Variants in TXK observed in about 807,000 individuals in gnomAD.
TXK encodes the protein TXK tyrosine kinase, also known as tyrosine-protein kinase TXK.
TXK carries 60 observed loss-of-function variants against 81.0 expected under a neutral mutation model. The ratio of observed to expected loss-of-function variants is 0.74; its 90% CI spans 0.60 to 0.92. TXK has a LOEUF of 0.92. Ranked by LOEUF, TXK falls within the 40% of genes least tolerant of loss-of-function variation. The probability of loss-of-function intolerance (pLI) is 0.00; values close to 1 mark genes in which losing one functional copy is unlikely to be tolerated. For synonymous variants in TXK, 203 were observed against 210.7 expected, an observed-to-expected ratio of 0.96 and a Z score of 0.32; for missense variants, 581 against 638.3, an observed-to-expected ratio of 0.91 and a Z score of 0.97.
chr4:48,132,060 C>A (rs1296220625), intron 1 of TXK, among the ~76,000 whole-genome samples: 5 of 139,260 alleles, frequency 3.6e-5, no homozygotes, highest in Middle Eastern at 3.6e-3. Context: ...TTTTTTTTTA[C>A]AAAATCTACA....
Position 48,095,185 on chromosome 4 carries a change from T to C in TXK, c.539A>G (p.His180Arg), listed in dbSNP as rs1234879980. Residue 180 changes from histidine to arginine, a missense_variant, in exon 7 of 15, where the codon CAT (histidine) becomes CGT (arginine). His to Arg is a conservative substitution (Grantham distance 29, BLOSUM62 0). Coordinates refer to ENST00000264316, the MANE Select transcript of TXK (RefSeq NM_003328.3). ...TACGGAAATTGTGTAGGATCCTAAA[T>C]GTCTTGAATCTCTGACAATAAATGC... ...EGAFIVRDSR[H>R]LGSYTISVFM... The C allele has an allele frequency of 1.2e-6, 2 of 1,613,810 alleles. No individual in the cohort carries two copies. The highest frequency in any genetic ancestry group is 1.7e-6 in the Non-Finnish European group (2 of 1,179,894).
At chr4:48,090,202 C>T (rs982075805) in intron 8 of TXK, among the ~76,000 whole-genome samples, 2 of 152,146 alleles carry the variant, frequency 1.3e-5, no homozygotes, top group African/African-American at 4.8e-5. Context: ...GCACTATGCA[C>T]GTAATTGATA....
chr4:48,099,658 T>G (rs1201903121), intron 6 of TXK, among the ~76,000 whole-genome samples: 1 of 152,182 alleles, frequency 6.6e-6, no homozygotes, highest in Non-Finnish European at 1.5e-5. Flanking sequence ...CTAGCCACAC[T>G]AGAGACAGCC....
At chr4:48,113,048 CT>C (rs1718687078) in intron 3 of TXK, among the ~76,000 whole-genome samples, 158 bp downstream of exon 3, 2 of 151,462 alleles carry the variant, frequency 1.3e-5, no homozygotes, top group Admixed American at 6.6e-5. Flanking sequence ...TTTCTTTTTC[CT>C]TTTACTTTCT....
At chr4:48,124,985 T>TG (rs1719050859) in intron 1 of TXK, among the ~76,000 whole-genome samples, 1 of 152,218 alleles carries the variant, frequency 6.6e-6, no homozygotes, top group Non-Finnish European at 1.5e-5. Flanking sequence ...AAAAGTTGTC[T>TG]TCTAAGAAAG....
intron 5 of TXK, among the ~76,000 whole-genome samples, chr4:48,109,104 T>C (rs1417320385): frequency 1.3e-5 from 2 of 152,182 alleles, no homozygotes; most frequent in African/African-American, 4.8e-5. Flanking sequence ...GAGGCCTGTT[T>C]TTGTTGGTCA....
chr4:48,086,584 C>A lies in TXK; in HGVS notation c.838G>T (p.Gly280Cys), dbSNP rs746179718. 1.8e-5 allele frequency: 29 copies of A among 1,613,956 alleles called. No homozygotes were observed. The highest frequency in any genetic ancestry group is 2.5e-5 in the Non-Finnish European group (29 of 1,179,974). ...ELAFIKEIGSGQFGVVHLGEW... is the reference protein window; with the variant it reads ...ELAFIKEIGSCQFGVVHLGEW... ...CCTAAATGGACCACTCCAAACTGAC[C>A]GCTTCCAATCTCCTTTATAAAAGCC... The change falls in exon 10 of 15, where the codon GGT becomes TGT. Residue 280 changes from glycine (G) to cysteine (C), a missense_variant. Transcript: ENST00000264316.
chr4:48,090,258 C>T (rs919963322), intron 8 of TXK, among the ~76,000 whole-genome samples: 1 of 152,096 alleles, frequency 6.6e-6, no homozygotes, highest in East Asian at 1.9e-4. Flanking sequence ...TCCAAGATTT[C>T]GCTATTATAA....
At chr4:48,127,229 G>A (rs1221886752) in intron 1 of TXK, among the ~76,000 whole-genome samples, 1 of 152,168 alleles carries the variant, frequency 6.6e-6, no homozygotes, top group African/African-American at 2.4e-5. Flanking sequence ...ACAGCTCCCT[G>A]GTGTTCCCTT....
chr4:48,081,378 G>A (rs780662782), intron 10 of TXK, among the ~76,000 whole-genome samples: 191 of 152,100 alleles, frequency 1.3e-3, no homozygotes, highest in Non-Finnish European at 2.0e-3. Flanking sequence ...ACAAACTCTC[G>A]CATGTGATTC....
intron 1 of TXK, among the ~76,000 whole-genome samples, chr4:48,133,585 G>A (rs562331151): frequency 3.3e-5 from 5 of 152,092 alleles, no homozygotes; most frequent in African/African-American, 7.2e-5. Flanking sequence ...CCTCGATAAC[G>A]GAAGTCTACA....
intron 13 of TXK, among the ~76,000 whole-genome samples, chr4:48,072,755 A>G (rs1330980178): frequency 6.6e-6 from 1 of 152,166 alleles, no homozygotes; most frequent in Non-Finnish European, 1.5e-5. Flanking sequence ...ATTGTTTGGC[A>G]ACCTTCGATG....
intron 9 of TXK, among the ~76,000 whole-genome samples, chr4:48,088,927 A>C (rs1004460775): frequency 6.6e-6 from 1 of 152,200 alleles, no homozygotes; most frequent in Non-Finnish European, 1.5e-5. Context: ...TAAAGGAATA[A>C]AATGTCACCA....
chr4:48,067,714 G>C lies in TXK; in HGVS notation c.1516-9C>G. Reference sequence around the variant, plus strand: ...GGGCGGCCTTCAGGTTTCTGGAAAAGGGAAGTGGGGGTGGTTAGCTCAGCT... The same window carrying C: ...GGGCGGCCTTCAGGTTTCTGGAAAACGGAAGTGGGGGTGGTTAGCTCAGCT... On this transcript the variant is annotated splice_polypyrimidine_tract_variant and intron_variant, in intron 14 of 14. Coordinates refer to ENST00000264316, the MANE Select transcript of TXK (RefSeq NM_003328.3). 6.2e-7 allele frequency: 1 copy of C among 1,613,448 alleles called. No homozygotes were observed. Among genetic ancestry groups the C allele is most frequent in the Non-Finnish European group, 8.5e-7 (1 of 1,179,486 alleles).
chr4:48,067,044 A>C lies in TXK; in HGVS notation c.*593T>G, dbSNP rs1716631318. On this transcript the variant is annotated 3_prime_UTR_variant, in exon 15 of 15. Transcript: ENST00000264316. ...ACTCGAATGCAAAAAACTGCTTTCA[A>C]TATAATCAGATATGTGCAAAAACAA... The C allele has an allele frequency of 6.6e-6, 1 of 152,288 alleles. No homozygotes were observed. The highest frequency in any genetic ancestry group is 1.5e-5 in the Non-Finnish European group (1 of 68,074). The allele number at this position is 152,288 out of a possible 1,614,324, so 9.4% of individuals were successfully genotyped here.
At chr4:48,111,713 T>A (rs913144616) in intron 4 of TXK, among the ~76,000 whole-genome samples, 4 of 152,180 alleles carry the variant, frequency 2.6e-5, no homozygotes, top group African/African-American at 9.7e-5. Flanking sequence ...TTGGCAAATA[T>A]CAGAAATCAA....
intron 6 of TXK, among the ~76,000 whole-genome samples, chr4:48,101,041 ATAG>A (rs1245072782): frequency 6.6e-6 from 1 of 152,116 alleles, no homozygotes; most frequent in Non-Finnish European, 1.5e-5. Context: ...AAATAAACTA[ATAG>A]TAGTTTTTCT....
chr4:48,115,046 A>C (rs1365246419), intron 1 of TXK, among the ~76,000 whole-genome samples: 1 of 149,266 alleles, frequency 6.7e-6, no homozygotes, highest in Non-Finnish European at 1.5e-5. Context: ...TTTTTTTTTA[A>C]TTTTACTTTA....
chr4:48,076,290 G>T, intron 12 of TXK, 112 bp downstream of exon 12: 1 of 786,820 alleles, frequency 1.3e-6, no homozygotes, highest in Non-Finnish European at 1.9e-6. Flanking sequence ...TACAACCTAG[G>T]AAGATAAAAA....
Sources: gnomAD v4.1 joint callset for allele counts (sites outside exome capture counted in the v4.1 genomes callset) on GRCh38, gnomAD v4.1.1 for gene constraint, MANE v1.5 for transcripts, NCBI Gene and HGNC (gene_info 2026-07-23, HGNC 2026-07-21) for gene names.